LRRC37A2: variants seen among roughly 807,000 people sequenced by gnomAD.
LRRC37A2 encodes the protein leucine-rich repeat-containing protein 37A2.
LRRC37A2 carries 9 observed loss-of-function variants against 68.8 expected under a neutral mutation model. That is an observed-to-expected ratio of 0.13 (90% CI 0.08 to 0.23). LRRC37A2 has a LOEUF of 0.23. Among genes scored for constraint, LRRC37A2 ranks in the 10% least tolerant of loss-of-function variants. The pLI is 1.00. For missense variants in LRRC37A2, 168 were observed against 950.4 expected (o/e 0.18, Z 10.82); for synonymous variants, 63 against 367.6 (o/e 0.17, Z 9.48).
chr17:46,956,282 T>C, the LRRC37A2 span, among the ~76,000 whole-genome samples: 2 of 35,334 alleles, frequency 5.7e-5, no homozygotes, highest in Admixed American at 6.7e-4. Context: ...CAGTCCTTTT[T>C]TTTTTTTTTT....
At chr17:47,023,544 G>A in the LRRC37A2 span, among the ~76,000 whole-genome samples, 50 of 152,242 alleles carry the variant, frequency 3.3e-4, no homozygotes, top group Non-Finnish European at 5.0e-4. Flanking sequence ...AGCCAGGTGT[G>A]GTGGTGGGTG....
At chr17:46,940,526 T>C in the LRRC37A2 span, 2 of 1,614,046 alleles carry the variant, frequency 1.2e-6, no homozygotes, top group South Asian at 1.1e-5. Context: ...ATTCTGAGAC[T>C]GCGACGGCAA....
the LRRC37A2 span, chr17:46,763,897 G>C: frequency 6.7e-6 from 1 of 149,690 alleles, no homozygotes; most frequent in Non-Finnish European, 1.5e-5. Flanking sequence ...CAGAATGGTA[G>C]AAAAAGATTT....
At chr17:46,505,709 TC>T in the LRRC37A2 span, among the ~76,000 whole-genome samples, 1 of 40,154 alleles carries the variant, frequency 2.5e-5, no homozygotes, top group South Asian at 7.2e-4. Flanking sequence ...GTGATCCTCT[TC>T]CCCCAGGATC....
At chr17:46,779,103 A>ACAC in the LRRC37A2 span, among the ~76,000 whole-genome samples, 463 of 133,620 alleles carry the variant, frequency 3.5e-3, 7 homozygotes, top group African/African-American at 0.012. Flanking sequence ...ACACACACAC[A>ACAC]CCCCAGCCCA....
the LRRC37A2 span, among the ~76,000 whole-genome samples, chr17:46,924,835 C>T: frequency 6.6e-6 from 1 of 152,138 alleles, no homozygotes; most frequent in South Asian, 2.1e-4. Flanking sequence ...CTATCTTTCA[C>T]AATAGCAGGG....
At chr17:46,785,789 G>C in the LRRC37A2 span, among the ~76,000 whole-genome samples, 1 of 152,098 alleles carries the variant, frequency 6.6e-6, no homozygotes, top group East Asian at 1.9e-4. Flanking sequence ...AAGAGGCTGC[G>C]GGCCCTGTGC....
chr17:46,949,759 G>A, the LRRC37A2 span, among the ~76,000 whole-genome samples: 1 of 152,228 alleles, frequency 6.6e-6, no homozygotes, highest in East Asian at 1.9e-4. Flanking sequence ...TCAGACTGGA[G>A]CAGGTGGAGC....
At chr17:47,029,688 C>T in the LRRC37A2 span, among the ~76,000 whole-genome samples, 1 of 152,312 alleles carries the variant, frequency 6.6e-6, no homozygotes, top group East Asian at 1.9e-4. Flanking sequence ...CATTAGGTCC[C>T]TCCACGAAGA....
the LRRC37A2 span, among the ~76,000 whole-genome samples, chr17:46,745,135 G>A: frequency 6.6e-6 from 1 of 152,078 alleles, no homozygotes; most frequent in Non-Finnish European, 1.5e-5. Context: ...TCCCCTCTTG[G>A]GTTGAGCACC....
At chr17:46,811,970 A>C in the LRRC37A2 span, among the ~76,000 whole-genome samples, 2 of 152,160 alleles carry the variant, frequency 1.3e-5, no homozygotes, top group African/African-American at 4.8e-5. Flanking sequence ...AAAAAAAGAA[A>C]GAAAGAAAGA....
At chr17:46,955,061 G>A in the LRRC37A2 span, among the ~76,000 whole-genome samples, 1 of 152,196 alleles carries the variant, frequency 6.6e-6, no homozygotes, top group African/African-American at 2.4e-5. Flanking sequence ...TGTTGAATAG[G>A]AGTGGTGAGA....
At chr17:46,895,771 T>G in the LRRC37A2 span, among the ~76,000 whole-genome samples, 1 of 152,234 alleles carries the variant, frequency 6.6e-6, no homozygotes. Flanking sequence ...ACATGGTGGG[T>G]GCAGAAATAT....
the LRRC37A2 span, among the ~76,000 whole-genome samples, chr17:46,894,810 T>C: frequency 2.0e-5 from 3 of 152,226 alleles, no homozygotes. Flanking sequence ...TAATTAGCTC[T>C]TTTTCAACTT....
At chr17:47,008,713 C>T in the LRRC37A2 span, among the ~76,000 whole-genome samples, 1 of 151,814 alleles carries the variant, frequency 6.6e-6, no homozygotes, top group African/African-American at 2.4e-5. Context: ...CTCCTGATCT[C>T]ATAATCTGCC....
the LRRC37A2 span, chr17:46,774,001 G>A: frequency 5.2e-6 from 8 of 1,525,730 alleles, no homozygotes; most frequent in Non-Finnish European, 7.0e-6. Flanking sequence ...TCCGGGGTAG[G>A]TGGAGAGGCA....
At chr17:46,978,894 G>T in the LRRC37A2 span, 1 of 1,523,840 alleles carries the variant, frequency 6.6e-7, no homozygotes. Flanking sequence ...CCCCTGGACA[G>T]CAGCCCAGCC....
the LRRC37A2 span, chr17:46,933,509 C>G: frequency 6.6e-6 from 1 of 152,290 alleles, no homozygotes; most frequent in East Asian, 1.9e-4. Flanking sequence ...GAGTAAAGCA[C>G]ATGATGAAAT....
At chr17:46,914,494 C>CA in the LRRC37A2 span, among the ~76,000 whole-genome samples, 1 of 151,196 alleles carries the variant, frequency 6.6e-6, no homozygotes, top group South Asian at 2.1e-4. Context: ...ACTAAAAATA[C>CA]AAAAAAATTA....
Sources: gnomAD v4.1 joint callset for allele counts (sites outside exome capture counted in the v4.1 genomes callset) on GRCh38, gnomAD v4.1.1 for gene constraint, MANE v1.5 for transcripts, NCBI Gene and HGNC (gene_info 2026-07-23, HGNC 2026-07-21) for gene names.